The following SORBS2 variants were observed in gnomAD, a reference collection of about 807,000 sequenced individuals.
The protein encoded by SORBS2 is sorbin and SH3 domain-containing protein 2.
Under a neutral mutation model 97.7 loss-of-function variants are expected in SORBS2, and 46 were observed. The ratio of observed to expected loss-of-function variants is 0.47; its 90% CI spans 0.37 to 0.60. The LOEUF is 0.60. SORBS2 is among the 20% of genes least tolerant of loss of function. The pLI is 0.00. For missense variants in SORBS2, 1,316 were observed against 1,282.3 expected (o/e 1.03, Z -0.40); for synonymous variants, 476 against 473.4 (o/e 1.01, Z -0.07).
intron 1 of SORBS2, among the ~76,000 whole-genome samples, chr4:185,880,740 T>C (rs1160620050): frequency 6.6e-6 from 1 of 152,214 alleles, no homozygotes; most frequent in African/African-American, 2.4e-5. Context: ...GCTTTCAAAG[T>C]ACGGAAAAGC....
chr4:185,671,801 G>A (rs2097716557), intron 4 of SORBS2, among the ~76,000 whole-genome samples: 1 of 152,136 alleles, frequency 6.6e-6, no homozygotes, highest in African/African-American at 2.4e-5. Context: ...CCAATAATTC[G>A]ATCTCAGAAA....
chr4:185,622,849 G>A, intron 7 of SORBS2, 65 bp downstream of exon 19: 3 of 1,475,674 alleles, frequency 2.0e-6, no homozygotes, highest in Non-Finnish European at 2.7e-6. Flanking sequence ...TGTTGGAATG[G>A]AAAATGAAAG....
intron 2 of SORBS2, among the ~76,000 whole-genome samples, chr4:185,749,251 A>G (rs1159680109): frequency 6.6e-6 from 1 of 152,178 alleles, no homozygotes; most frequent in Non-Finnish European, 1.5e-5. Context: ...TGGGATTGCC[A>G]TAGCTCAACA....
intron 2 of SORBS2, among the ~76,000 whole-genome samples, chr4:185,767,018 C>G (rs968701170): frequency 6.6e-6 from 1 of 151,692 alleles, no homozygotes; most frequent in Non-Finnish European, 1.5e-5. Context: ...TTCGGTATGC[C>G]GACAGGTTAT....
intron 4 of SORBS2, 74 bp downstream of exon 14, chr4:185,638,803 A>G: frequency 7.4e-7 from 1 of 1,354,464 alleles, no homozygotes; most frequent in Non-Finnish European, 9.6e-7. Context: ...GGGAGTCGCC[A>G]GGCTCTGAGC....
intron 12 of SORBS2, among the ~76,000 whole-genome samples, chr4:185,604,509 TC>T (rs1460623994): frequency 1.3e-5 from 2 of 152,112 alleles, no homozygotes; most frequent in Admixed American, 1.3e-4. Flanking sequence ...GTGCTTGCTC[TC>T]CCGAAGAAAA....
At chr4:185,939,592 C>G (rs879417121) in intron 1 of SORBS2, among the ~76,000 whole-genome samples, 11 of 152,168 alleles carry the variant, frequency 7.2e-5, no homozygotes, top group Non-Finnish European at 1.3e-4. Flanking sequence ...CTCACCGCAA[C>G]CTCTGCCTCC....
intron 1 of SORBS2, among the ~76,000 whole-genome samples, chr4:185,900,424 G>A (rs2099247108): frequency 6.6e-6 from 1 of 152,082 alleles, no homozygotes; most frequent in African/African-American, 2.4e-5. Flanking sequence ...TTTATATGAA[G>A]ATCAAAGAAG....
At chr4:185,691,890 A>ACC (rs1462182492) in intron 2 of SORBS2, among the ~76,000 whole-genome samples, 1 of 152,074 alleles carries the variant, frequency 6.6e-6, no homozygotes, top group Non-Finnish European at 1.5e-5. Context: ...GACTACAGGC[A>ACC]CCCGCCACCA....
intron 4 of SORBS2, chr4:185,639,019 G>A (rs769896618): frequency 5.7e-5 from 86 of 1,517,344 alleles, no homozygotes; most frequent in Non-Finnish European, 1.8e-6. Flanking sequence ...AGGTGTCGGA[G>A]TTGTTGGGAG....
intron 1 of SORBS2, among the ~76,000 whole-genome samples, chr4:185,828,266 G>A (rs1036513948): frequency 1.4e-4 from 22 of 152,102 alleles, no homozygotes; most frequent in African/African-American, 4.6e-4. Context: ...AGGAAGACAA[G>A]GAGCCTGGAC....
intron 1 of SORBS2, among the ~76,000 whole-genome samples, chr4:185,944,401 AT>A: frequency 6.6e-6 from 1 of 152,346 alleles, no homozygotes; most frequent in Admixed American, 6.5e-5. Flanking sequence ...ATGTCAGTTC[AT>A]TTCCAGAGAT....
intron 13 of SORBS2, 161 bp from the exon 26 acceptor site, chr4:185,589,946 G>T (rs1242269481): frequency 7.4e-6 from 4 of 537,928 alleles, no homozygotes; most frequent in Non-Finnish European, 1.3e-5. Context: ...CTATTGGATG[G>T]TACAAGCCTG....
chr4:185,738,517 A>T (rs1161915353), intron 2 of SORBS2, among the ~76,000 whole-genome samples: 2 of 152,202 alleles, frequency 1.3e-5, no homozygotes, highest in Non-Finnish European at 2.9e-5. Flanking sequence ...AGTATTTCAT[A>T]AAAAAACTAT....
intron 2 of SORBS2, among the ~76,000 whole-genome samples, chr4:185,726,316 T>C (rs574159537): frequency 1.3e-5 from 2 of 152,350 alleles, no homozygotes; most frequent in Non-Finnish European, 2.9e-5. Context: ...TGTCTTACTT[T>C]ATGTTATTTA....
At chr4:185,652,781 C>T in intron 1 of SORBS2, 53 bp from the exon 10 acceptor site, 1 of 1,254,802 alleles carries the variant, frequency 8.0e-7, no homozygotes, top group Non-Finnish European at 1.2e-6. Flanking sequence ...ATCAACATCG[C>T]TTCTCAGTGT....
chr4:185,860,947 G>A (rs1401428298), intron 1 of SORBS2, among the ~76,000 whole-genome samples: 1 of 152,176 alleles, frequency 6.6e-6, no homozygotes, highest in Non-Finnish European at 1.5e-5. Flanking sequence ...CAGACTCTTA[G>A]CTTATTCTCT....
chr4:185,954,536 T>C (rs2099278698), intron 1 of SORBS2, among the ~76,000 whole-genome samples: 1 of 152,238 alleles, frequency 6.6e-6, no homozygotes, highest in Non-Finnish European at 1.5e-5. Flanking sequence ...GCATAATTGA[T>C]GTTGTCACAG....
intron 2 of SORBS2, among the ~76,000 whole-genome samples, chr4:185,719,809 G>A (rs908779032): frequency 2.6e-5 from 4 of 152,216 alleles, no homozygotes; most frequent in African/African-American, 9.6e-5. Flanking sequence ...CTTGTGGGAT[G>A]GTTATTACAC....
Sources: allele counts gnomAD v4.1 joint callset (sites outside exome capture counted in the v4.1 genomes callset), GRCh38; gene constraint gnomAD v4.1.1; transcripts MANE v1.5; gene names NCBI Gene and HGNC (gene_info 2026-07-23, HGNC 2026-07-21).